The following MTHFD2L variants were observed in gnomAD, a reference collection of about 807,000 sequenced individuals.
MTHFD2L encodes the protein bifunctional methylenetetrahydrofolate dehydrogenase/cyclohydrolase 2, mitochondrial.
A neutral mutation model predicts 34.9 loss-of-function variants in MTHFD2L; 29 were observed. That is an observed-to-expected ratio of 0.83 (90% CI 0.62 to 1.13). The LOEUF (loss-of-function observed/expected upper bound fraction) is 1.13, where lower values mean the gene tolerates loss of function less well. MTHFD2L is among the 50% of genes most tolerant of loss of function. MTHFD2L has a pLI of 0.00. For synonymous variants in MTHFD2L, 167 were observed against 155.7 expected, an observed-to-expected ratio of 1.07 and a Z score of -0.54; for missense variants, 481 against 446.5, an observed-to-expected ratio of 1.08 and a Z score of -0.70.
intron 1 of MTHFD2L, among the ~76,000 whole-genome samples, chr4:74,171,290 G>A (rs1488334541): frequency 1.3e-5 from 2 of 152,134 alleles, no homozygotes; most frequent in Admixed American, 1.3e-4. Context: ...TTAAAGCACA[G>A]TGACATACCA....
Position 74,290,012 on chromosome 4 carries a change from T to C in MTHFD2L, c.931+8462T>C, listed in dbSNP as rs975629688. Among the ~76,000 whole-genome samples, 67 of 152,318 alleles carry C rather than the reference T, an allele frequency of 4.4e-4. 1 individual carries two copies. Among genetic ancestry groups the C allele is most frequent in the African/African-American group, 1.5e-3 (63 of 41,578 alleles). ...ATTACAAAAGGTTTTATGCACTCAATAGCAGACCCAACATGGGCTGTTGAA... is the reference window on the plus strand; with the variant it reads ...ATTACAAAAGGTTTTATGCACTCAACAGCAGACCCAACATGGGCTGTTGAA... On this transcript the variant is annotated intron_variant, in intron 7 of 7. Coordinates refer to ENST00000325278, the MANE Select transcript of MTHFD2L (RefSeq NM_001144978.3).
At position 74,207,766 on chromosome 4, in the gene MTHFD2L, C is replaced by CTTTTTTTTTTTTT. The variant is rs768932793; in HGVS notation, c.712+6400_712+6412dup. 4.3e-3 allele frequency among the ~76,000 whole-genome samples: 557 copies of CTTTTTTTTTTTTT among 128,358 alleles called. 28 individuals carry two copies. The highest frequency in any genetic ancestry group is 0.013 in the African/African-American group (411 of 32,586). The allele number at this position is 128,358 out of a possible 152,430, so 84.2% of individuals were successfully genotyped here. On this transcript the variant is annotated intron_variant, in intron 5 of 7. Coordinates refer to ENST00000325278, the MANE Select transcript of MTHFD2L (RefSeq NM_001144978.3). ...AATTAACCCCAGTTGTGAAAAAGAACTTTTTTTTTTTTTTTTGCCAGCCTG... is the reference window on the plus strand; with the variant it reads ...AATTAACCCCAGTTGTGAAAAAGAACTTTTTTTTTTTTTTTTTTTTTTTTTTTTTGCCAGCCTG...
intron 3 of MTHFD2L, chr4:74,195,332 A>G (rs1013410560): frequency 6.6e-6 from 1 of 152,240 alleles, no homozygotes; most frequent in African/African-American, 2.4e-5. Flanking sequence ...GTATAACTCT[A>G]TTGCTGTTTT....
intron 3 of MTHFD2L, chr4:74,194,236 T>C (rs1733083555): frequency 6.6e-6 from 1 of 152,212 alleles, no homozygotes; most frequent in East Asian, 1.9e-4. Context: ...CTTTCTCCTT[T>C]CCTGGATATA....
chr4:74,172,689 G>A (rs1728258643), intron 1 of MTHFD2L, among the ~76,000 whole-genome samples: 1 of 152,204 alleles, frequency 6.6e-6, no homozygotes, highest in Admixed American at 6.5e-5. Flanking sequence ...AATTGTAGAT[G>A]TGGATTGTGG....
intron 1 of MTHFD2L, chr4:74,160,101 T>C: frequency 7.8e-7 from 1 of 1,289,424 alleles, no homozygotes; most frequent in South Asian, 1.2e-5. Flanking sequence ...TGCCACTGTC[T>C]GCCTCCCCAC....
intron 6 of MTHFD2L, among the ~76,000 whole-genome samples, chr4:74,229,483 G>C (rs909550974): frequency 6.6e-6 from 1 of 152,092 alleles, no homozygotes; most frequent in African/African-American, 2.4e-5. Flanking sequence ...GGAGAACTCA[G>C]GGTAGAAGGA....
In MTHFD2L at chr4:74,281,558, A is replaced by T; in HGVS notation, c.931+8A>T. ...GAGATGTGGACTTCGAAGGTAATAA[A>T]CCAATATCTTTTGATAGGTGAAGAA... On this transcript the variant is annotated splice_region_variant and intron_variant, in intron 7 of 7. Transcript: ENST00000325278. The T allele has an allele frequency of 1.9e-6, 3 of 1,607,548 alleles. No individual in the cohort carries two copies. Among genetic ancestry groups the T allele is most frequent in the Non-Finnish European group, 2.5e-6 (3 of 1,177,396 alleles).
At chr4:74,127,620 T>C (rs774299919) in intron 1 of MTHFD2L, among the ~76,000 whole-genome samples, 5 of 152,186 alleles carry the variant, frequency 3.3e-5, no homozygotes, top group Non-Finnish European at 7.3e-5. Context: ...ATTATGTATA[T>C]ATACCACAGT....
intron 6 of MTHFD2L, among the ~76,000 whole-genome samples, chr4:74,270,933 A>AT (rs913052236): frequency 2.8e-4 from 42 of 151,902 alleles, no homozygotes; most frequent in African/African-American, 8.7e-4. Context: ...GAGGATGAGC[A>AT]TTTTTTCATG....
intron 6 of MTHFD2L, among the ~76,000 whole-genome samples, chr4:74,235,120 A>G (rs748099901): frequency 4.6e-5 from 7 of 152,170 alleles, no homozygotes; most frequent in Non-Finnish European, 1.0e-4. Flanking sequence ...ACCAGATATC[A>G]TAATAAATTA....
intron 7 of MTHFD2L, among the ~76,000 whole-genome samples, chr4:74,300,685 C>T (rs1309671367): frequency 1.3e-5 from 2 of 152,044 alleles, no homozygotes; most frequent in Admixed American, 6.6e-5. Context: ...GGTGTGAAAA[C>T]ATTCTTAAAT....
chr4:74,127,203 A>G (rs967092522), intron 1 of MTHFD2L, among the ~76,000 whole-genome samples: 7 of 152,188 alleles, frequency 4.6e-5, no homozygotes, highest in African/African-American at 1.7e-4. Context: ...CTGAATTAAT[A>G]CAATCAAATC....
chr4:74,161,263 T>C (rs1465799808), intron 1 of MTHFD2L: 1 of 152,234 alleles, frequency 6.6e-6, no homozygotes, highest in Non-Finnish European at 1.5e-5. Context: ...AGTTTAATAA[T>C]TTAAAAAGAC....
chr4:74,180,735 A>G (rs1455294961), intron 3 of MTHFD2L: 1 of 451,488 alleles, frequency 2.2e-6, no homozygotes, highest in East Asian at 7.0e-5. Context: ...ATATAAGAGT[A>G]CACAGGCTTG....
Position 74,267,788 on chromosome 4 carries a change from G to A in MTHFD2L, c.806-13637G>A, listed in dbSNP as rs985854404. 8 of 985,224 alleles carry A rather than the reference G, an allele frequency of 8.1e-6. No homozygotes were observed. In the African/African-American group the frequency reaches 1.2e-4, roughly 15 times the overall value. 61.0% of individuals were successfully genotyped at this position (985,224 alleles called of 1,614,324 possible). ...CACATTTGGACCCCACAGGTCCATT[G>A]ACTTTGCAGAAATATGGTCCAAGGC... On this transcript the variant is annotated intron_variant, in intron 6 of 7. Coordinates refer to ENST00000325278, the MANE Select transcript of MTHFD2L (RefSeq NM_001144978.3).
chr4:74,290,065 TG>T (rs2110303554), intron 7 of MTHFD2L, among the ~76,000 whole-genome samples: 1 of 152,336 alleles, frequency 6.6e-6, no homozygotes, highest in South Asian at 2.1e-4. Context: ...TGTATACAAT[TG>T]TGAATTTTCC....
At chr4:74,247,595 A>C (rs946504430) in intron 6 of MTHFD2L, among the ~76,000 whole-genome samples, 1 of 152,214 alleles carries the variant, frequency 6.6e-6, no homozygotes, top group Non-Finnish European at 1.5e-5. Context: ...TTGCCCATTC[A>C]GTATGATATT....
At chr4:74,285,703 T>C (rs1020581914) in intron 7 of MTHFD2L, among the ~76,000 whole-genome samples, 6 of 152,166 alleles carry the variant, frequency 3.9e-5, no homozygotes, top group Non-Finnish European at 8.8e-5. Context: ...AAATATAATT[T>C]CTCCCATTGA....
Sources: allele counts gnomAD v4.1 joint callset (sites outside exome capture counted in the v4.1 genomes callset), GRCh38; gene constraint gnomAD v4.1.1; transcripts MANE v1.5; gene names NCBI Gene and HGNC (gene_info 2026-07-23, HGNC 2026-07-21).